MTMR3: variants seen among roughly 807,000 people sequenced by gnomAD.
The protein encoded by MTMR3 is myotubularin related protein 3, also known as phosphatidylinositol-3,5-bisphosphate 3-phosphatase MTMR3.
MTMR3 carries 32 observed loss-of-function variants against 132.4 expected under a neutral mutation model. The observed-to-expected ratio is 0.24, with a 90% CI of 0.18 to 0.32. The LOEUF is 0.32. MTMR3 is among the 10% of genes least tolerant of loss of function. MTMR3 has a pLI of 1.00. For synonymous variants in MTMR3, 556 were observed against 550.3 expected (o/e 1.01, Z -0.14); for missense variants, 1,216 against 1,489.6 (o/e 0.82, Z 3.02).
Position 30,013,499 on chromosome 22 carries a change from G to A in MTMR3, c.1461G>A (p.Gln487=). 6.2e-7 allele frequency: 1 copy of A among 1,614,138 alleles called. No homozygotes were observed. The highest frequency in any genetic ancestry group is 8.5e-7 in the Non-Finnish European group (1 of 1,179,996). Residue 487 remains glutamine (Q), a synonymous_variant, in exon 14 of 20, where the codon CAG becomes CAA. Transcript: ENST00000401950. ...GGCTTGACTGTGTTCATCAGCTTCA[G>A]AGGCAATTTCCTTGCTCTTTTGAGT... ...LQWLDCVHQL[Q]RQFPCSFEFN...
At chr22:29,916,580 A>G (rs977525388) in intron 1 of MTMR3, among the ~76,000 whole-genome samples, 4 of 151,506 alleles carry the variant, frequency 2.6e-5, no homozygotes, top group Non-Finnish European at 4.4e-5. Context: ...ATTGTTCAGC[A>G]TCCAAGAATA....
intron 2 of MTMR3, among the ~76,000 whole-genome samples, chr22:29,957,290 C>T (rs187549306): frequency 2.7e-4 from 40 of 150,032 alleles, no homozygotes; most frequent in Middle Eastern, 3.4e-3. Flanking sequence ...GGACTCATAC[C>T]AGGTCACTTT....
At chr22:30,017,172 C>T in intron 15 of MTMR3, 1 of 156,494 alleles carries the variant, frequency 6.4e-6, no homozygotes, top group Non-Finnish European at 1.4e-5. Flanking sequence ...TGATTCTCTG[C>T]TCACATGAAG....
chr22:29,945,859 C>T (rs1185445349), intron 1 of MTMR3, among the ~76,000 whole-genome samples: 1 of 151,960 alleles, frequency 6.6e-6, no homozygotes, highest in Admixed American at 6.6e-5. Flanking sequence ...AAAGCAGTCC[C>T]AACTTGTTTA....
chr22:29,988,270 A>T (rs1257173949), intron 5 of MTMR3: 1 of 345,012 alleles, frequency 2.9e-6, no homozygotes, highest in East Asian at 4.6e-5. Context: ...ATGCTATGAC[A>T]TGACTTGAGA....
At chr22:29,896,869 T>TCTCACACACACACA (rs145703649) in intron 1 of MTMR3, among the ~76,000 whole-genome samples, 2,001 of 138,194 alleles carry the variant, frequency 0.014, 30 homozygotes, top group East Asian at 0.024. Flanking sequence ...CAGGCTTGTC[T>TCTCACACACACACA]CACACACACA....
At chr22:29,940,001 T>C (rs2065825357) in intron 1 of MTMR3, among the ~76,000 whole-genome samples, 1 of 152,086 alleles carries the variant, frequency 6.6e-6, no homozygotes, top group Non-Finnish European at 1.5e-5. Context: ...AAGAAGGTAC[T>C]TTGCGCCTGT....
intron 11 of MTMR3, chr22:30,008,817 G>T: frequency 6.8e-6 from 3 of 438,820 alleles, no homozygotes; most frequent in Non-Finnish European, 8.1e-6. Flanking sequence ...CCCTTTTCAC[G>T]CTTTTTGAAA....
At chr22:29,944,849 T>G (rs952304013) in intron 1 of MTMR3, among the ~76,000 whole-genome samples, 2 of 152,190 alleles carry the variant, frequency 1.3e-5, no homozygotes, top group African/African-American at 4.8e-5. Flanking sequence ...TTAGAAATGT[T>G]TACTTTTATA....
At chr22:29,998,166 T>G (rs2067099098) in intron 7 of MTMR3, 1 of 152,282 alleles carries the variant, frequency 6.6e-6, no homozygotes, top group Non-Finnish European at 1.5e-5. Context: ...GTTTTAATTT[T>G]GTCCTTTGTA....
chr22:29,970,116 C>T (rs1216536973), intron 2 of MTMR3, among the ~76,000 whole-genome samples: 2 of 152,048 alleles, frequency 1.3e-5, no homozygotes, highest in Admixed American at 6.6e-5. Context: ...ATATTCTTTC[C>T]CCCTTTTTTG....
At chr22:29,955,866 C>T (rs546078444) in intron 1 of MTMR3, among the ~76,000 whole-genome samples, 42 of 152,268 alleles carry the variant, frequency 2.8e-4, no homozygotes, top group African/African-American at 9.4e-4. Flanking sequence ...ATTCTTGTGC[C>T]TCAGCCTCCT....
chr22:29,975,719 C>T (rs1457190265), intron 3 of MTMR3, among the ~76,000 whole-genome samples: 1 of 152,224 alleles, frequency 6.6e-6, no homozygotes, highest in African/African-American at 2.4e-5. Context: ...GATCCTCCCA[C>T]CTCAGCCTCT....
intron 8 of MTMR3, chr22:30,002,288 A>C (rs2067191901): frequency 2.0e-5 from 3 of 152,422 alleles, no homozygotes; most frequent in Non-Finnish European, 2.9e-5. Flanking sequence ...CTGTGTATGC[A>C]GATAGACTGG....
intron 8 of MTMR3, chr22:30,000,168 T>G (rs953310344): frequency 4.7e-4 from 71 of 151,614 alleles, no homozygotes; most frequent in Admixed American, 4.7e-3. Context: ...AATCTTTAAC[T>G]ATATCCTTCT....
At chr22:29,964,226 G>A (rs1305601938) in intron 2 of MTMR3, among the ~76,000 whole-genome samples, 3 of 152,152 alleles carry the variant, frequency 2.0e-5, no homozygotes, top group African/African-American at 7.2e-5. Context: ...CTTTTGTACT[G>A]TTGGTATAAC....
chr22:29,971,508 A>C (rs1456736662), intron 3 of MTMR3, among the ~76,000 whole-genome samples: 1 of 152,146 alleles, frequency 6.6e-6, no homozygotes, highest in Admixed American at 6.5e-5. Context: ...GTACAGCATA[A>C]TGTTTTGAAA....
chr22:29,959,850 C>T (rs2066275947), intron 2 of MTMR3, among the ~76,000 whole-genome samples: 1 of 151,346 alleles, frequency 6.6e-6, no homozygotes, highest in Non-Finnish European at 1.5e-5. Flanking sequence ...CCTCGATCTC[C>T]TGGGCTCAAG....
rs1216824045 is a variant in MTMR3, at chr22:29,887,589, C to T, written c.-138+4230C>T. 2.6e-5 allele frequency among the ~76,000 whole-genome samples: 4 copies of T among 152,154 alleles called. No homozygotes were observed. In the East Asian group the frequency reaches 5.8e-4, roughly 22 times the overall value. On this transcript the variant is annotated intron_variant, in intron 1 of 19. Coordinates refer to ENST00000401950, the MANE Select transcript of MTMR3 (RefSeq NM_021090.4). The stretch of plus-strand genomic sequence containing the variant: ...CAGCACATGTATCCTGTCTGCCAGT[C>T]GGAATAGTCACAATGTTGCAGGGAC...
Sources: allele counts gnomAD v4.1 joint callset (sites outside exome capture counted in the v4.1 genomes callset), GRCh38; gene constraint gnomAD v4.1.1; transcripts MANE v1.5; gene names NCBI Gene and HGNC (gene_info 2026-07-23, HGNC 2026-07-21).